LTBP1: variants seen among roughly 807,000 people sequenced by gnomAD.
LTBP1 encodes latent-transforming growth factor beta-binding protein 1.
LTBP1 carries 129 observed loss-of-function variants against 207.6 expected under a neutral mutation model. The ratio of observed to expected loss-of-function variants is 0.62; its 90% CI spans 0.54 to 0.72. The LOEUF (loss-of-function observed/expected upper bound fraction) is 0.72. Among genes scored for constraint, LTBP1 ranks in the 30% least tolerant of loss-of-function variants. The pLI is 0.00. For synonymous variants in LTBP1, 963 were observed against 833.7 expected (o/e 1.16, Z -2.67); for missense variants, 2,281 against 2,217.2 (o/e 1.03, Z -0.58).
chr2:33,200,617 T>C lies in LTBP1; in HGVS notation c.1701+11766T>C, dbSNP rs571329552. On this transcript the variant is annotated intron_variant, in intron 7 of 33. Coordinates refer to ENST00000404816, the MANE Select transcript of LTBP1 (RefSeq NM_206943.4). ...AAAGCAATGGCAACAAAAGCCAAAA[T>C]TGACAAATGGGATCTAATTAAACTA... 4.6e-3 allele frequency among the ~76,000 whole-genome samples: 700 copies of C among 152,210 alleles called. 4 individuals are homozygous for C. The highest frequency in any genetic ancestry group is 0.016 in the African/African-American group (646 of 41,514).
Position 33,275,907 on chromosome 2 carries a change from G to T in LTBP1, c.2976G>T (p.Gln992His), listed in dbSNP as rs1285332124. The T allele has an allele frequency of 1.9e-6, 3 of 1,596,232 alleles. No homozygotes were observed. The highest frequency in any genetic ancestry group is 1.3e-5 in the African/African-American group (1 of 74,644). The change falls in exon 18 of 34, where the codon CAG becomes CAT. Residue 992 changes from glutamine (Q) to histidine (H), a missense_variant. By Grantham distance (24) the Gln-to-His change is conservative (BLOSUM62 0). Transcript: ENST00000404816. Reference protein sequence around the residue: ...EYCDSGYRMTQRGRCEDIDEC... With the variant: ...EYCDSGYRMTHRGRCEDIDEC... ...GTGACAGCGGGTACCGCATGACTCA[G>T]AGAGGCCGTTGTGAGGGTGAGTCAG...
chr2:32,955,759 C>T (rs1677980907), intron 2 of LTBP1, among the ~76,000 whole-genome samples: 1 of 152,038 alleles, frequency 6.6e-6, no homozygotes, highest in Non-Finnish European at 1.5e-5. Context: ...AAACTATGGT[C>T]TTATCTTTCT....
chr2:33,229,673 A>G (rs1279559980), intron 9 of LTBP1, among the ~76,000 whole-genome samples: 3 of 151,768 alleles, frequency 2.0e-5, no homozygotes, highest in African/African-American at 7.3e-5. Flanking sequence ...TATTCAAGTA[A>G]TTGCATGAGT....
At chr2:33,025,204 T>C (rs1337368729) in intron 3 of LTBP1, among the ~76,000 whole-genome samples, 1 of 152,146 alleles carries the variant, frequency 6.6e-6, no homozygotes, top group Non-Finnish European at 1.5e-5. Context: ...TAGTAGTGAG[T>C]TGCTAAGTCT....
chr2:33,115,128 A>T (rs2080667538), intron 4 of LTBP1, among the ~76,000 whole-genome samples: 1 of 46,736 alleles, frequency 2.1e-5, no homozygotes, highest in African/African-American at 1.1e-4. Flanking sequence ...ACATATATAT[A>T]CACACACACA....
chr2:33,208,431 G>A (rs2090037118), intron 7 of LTBP1, among the ~76,000 whole-genome samples: 1 of 152,190 alleles, frequency 6.6e-6, no homozygotes, highest in Non-Finnish European at 1.5e-5. Context: ...TTCTCAGGAA[G>A]GTAGAGCTGC....
At chr2:33,360,914 G>C (rs1167807734) in intron 27 of LTBP1, 135 bp downstream of exon 27, 5 of 643,618 alleles carry the variant, frequency 7.8e-6, no homozygotes, top group Non-Finnish European at 1.3e-5. Context: ...CAGGGCTAGA[G>C]CCAGCACCTG....
chr2:33,066,127 T>C (rs903002334), intron 3 of LTBP1, among the ~76,000 whole-genome samples: 2 of 152,190 alleles, frequency 1.3e-5, no homozygotes, highest in East Asian at 3.8e-4. Context: ...ATTTTCCCTA[T>C]TTTTCTTTTA....
intron 20 of LTBP1, among the ~76,000 whole-genome samples, chr2:33,296,359 G>A (rs2093874530): frequency 6.6e-6 from 1 of 151,906 alleles, no homozygotes; most frequent in South Asian, 2.1e-4. Flanking sequence ...TGTCACAACT[G>A]CCCTGTGAAG....
At chr2:33,268,950 G>T (rs1353771491) in intron 15 of LTBP1, among the ~76,000 whole-genome samples, 2 of 152,138 alleles carry the variant, frequency 1.3e-5, no homozygotes, top group African/African-American at 4.8e-5. Context: ...TTGCTCATCA[G>T]ATCTTTTCCA....
chr2:33,265,628 G>GT (rs2148127723), intron 15 of LTBP1, among the ~76,000 whole-genome samples: 1 of 152,050 alleles, frequency 6.6e-6, no homozygotes, highest in African/African-American at 2.4e-5. Context: ...TATTATACCA[G>GT]TTTTTTTAAA....
At chr2:33,364,477 AAATGAGATAC>A (rs2094961142) in intron 30 of LTBP1, 121 bp downstream of exon 30, 5 of 954,748 alleles carry the variant, frequency 5.2e-6, no homozygotes, top group Non-Finnish European at 7.7e-6. Context: ...GAAATAACTA[AAATGAGATAC>A]AATGAGATAC....
chr2:33,039,309 AC>A (rs200387862), intron 3 of LTBP1, among the ~76,000 whole-genome samples: 27 of 151,414 alleles, frequency 1.8e-4, no homozygotes, highest in African/African-American at 3.4e-4. Flanking sequence ...GAAAAAAAAA[AC>A]ACCAAAACCC....
chr2:33,338,672 G>T (rs1200442101), intron 24 of LTBP1, among the ~76,000 whole-genome samples: 5 of 152,172 alleles, frequency 3.3e-5, no homozygotes, highest in Non-Finnish European at 4.4e-5. Context: ...CTCCTGAAGG[G>T]CCAAGAGGCA....
At chr2:33,282,260 T>C (rs1339575338) in intron 19 of LTBP1, among the ~76,000 whole-genome samples, 1 of 152,088 alleles carries the variant, frequency 6.6e-6, no homozygotes, top group Non-Finnish European at 1.5e-5. Context: ...GTATTTCCTA[T>C]TGTTAAATGG....
At chr2:33,342,566 C>T (rs1012427818) in intron 24 of LTBP1, among the ~76,000 whole-genome samples, 1 of 152,240 alleles carries the variant, frequency 6.6e-6, no homozygotes, top group Non-Finnish European at 1.5e-5. Flanking sequence ...GGGCGTGGCA[C>T]TTGCAGCCAT....
chr2:33,254,852 G>GTTTTTTT (rs70938393), intron 11 of LTBP1, among the ~76,000 whole-genome samples: 136 of 10,358 alleles, frequency 0.013, 13 homozygotes, highest in East Asian at 0.023. Flanking sequence ...GCGGTGTTTG[G>GTTTTTTT]TTTTTTTTTT....
intron 4 of LTBP1, among the ~76,000 whole-genome samples, chr2:33,118,789 G>A (rs907512913): frequency 6.6e-6 from 1 of 152,172 alleles, no homozygotes; most frequent in Non-Finnish European, 1.5e-5. Flanking sequence ...GGCGTGGAGG[G>A]GAGGATGGTA....
chr2:32,976,611 C>T (rs1012164152), intron 2 of LTBP1, among the ~76,000 whole-genome samples: 1 of 152,200 alleles, frequency 6.6e-6, no homozygotes. Flanking sequence ...ACTCCCTTAC[C>T]TAGTTTGTTC....
Sources: gnomAD v4.1 joint callset for allele counts (sites outside exome capture counted in the v4.1 genomes callset) on GRCh38, gnomAD v4.1.1 for gene constraint, MANE v1.5 for transcripts, NCBI Gene and HGNC (gene_info 2026-07-23, HGNC 2026-07-21) for gene names.